SUGCT: variants seen among roughly 807,000 people sequenced by gnomAD.
SUGCT encodes the protein succinyl-CoA:glutarate-CoA transferase.
SUGCT carries 41 observed loss-of-function variants against 55.0 expected under a neutral mutation model. The observed-to-expected ratio is 0.74, with a 90% CI of 0.58 to 0.97. The LOEUF is 0.97. Among genes scored for constraint, SUGCT ranks in the 50% least tolerant of loss-of-function variants. The probability of loss-of-function intolerance (pLI) is 0.00; values close to 1 mark genes in which losing one functional copy is unlikely to be tolerated. For missense variants in SUGCT, 568 were observed against 547.8 expected, an observed-to-expected ratio of 1.04 and a Z score of -0.37; for synonymous variants, 187 against 200.4, an observed-to-expected ratio of 0.93 and a Z score of 0.56.
intron 12 of SUGCT, among the ~76,000 whole-genome samples, chr7:40,654,620 G>A (rs1800930525): frequency 6.6e-6 from 1 of 152,252 alleles, no homozygotes; most frequent in African/African-American, 2.4e-5. Flanking sequence ...ATTTAATCTC[G>A]TCCTGCACTA....
chr7:40,213,522 A>G (rs1266531819), intron 6 of SUGCT, among the ~76,000 whole-genome samples: 1 of 152,174 alleles, frequency 6.6e-6, no homozygotes, highest in East Asian at 1.9e-4. Flanking sequence ...TTAGGATGGT[A>G]TCTGCCAGGT....
chr7:40,958,074 C>G, the SUGCT span, among the ~76,000 whole-genome samples: 4 of 152,128 alleles, frequency 2.6e-5, no homozygotes, highest in Non-Finnish European at 5.9e-5. Context: ...CTCAATCTTT[C>G]TCTCTGGCTG....
chr7:40,804,969 G>T (rs145141750), intron 13 of SUGCT, among the ~76,000 whole-genome samples: 1 of 152,244 alleles, frequency 6.6e-6, no homozygotes, highest in East Asian at 1.9e-4. Context: ...CTGAACTCCA[G>T]GATCCTGCGT....
At chr7:40,146,418 G>A (rs1402202987) in intron 1 of SUGCT, among the ~76,000 whole-genome samples, 2 of 152,220 alleles carry the variant, frequency 1.3e-5, no homozygotes, top group Non-Finnish European at 2.9e-5. Context: ...GAAATATAGA[G>A]TGTGGAGTGG....
chr7:40,536,588 C>A (rs996291208), intron 12 of SUGCT, among the ~76,000 whole-genome samples: 1 of 152,168 alleles, frequency 6.6e-6, no homozygotes, highest in Admixed American at 6.5e-5. Context: ...AGCTGTGTGG[C>A]GTTGAGTCCC....
At chr7:40,615,033 G>A (rs1258222686) in intron 12 of SUGCT, among the ~76,000 whole-genome samples, 1 of 148,704 alleles carries the variant, frequency 6.7e-6, no homozygotes, top group Non-Finnish European at 1.5e-5. Flanking sequence ...TCCAGCCTGG[G>A]CAACAAACCA....
At chr7:40,838,547 C>T (rs1212056119) in intron 13 of SUGCT, among the ~76,000 whole-genome samples, 2 of 152,014 alleles carry the variant, frequency 1.3e-5, no homozygotes, top group South Asian at 2.1e-4. Context: ...TTTCAGTTTC[C>T]ACATTTTCCT....
chr7:40,526,787 G>T (rs1022142992), intron 12 of SUGCT, among the ~76,000 whole-genome samples: 17 of 152,136 alleles, frequency 1.1e-4, no homozygotes, highest in Non-Finnish European at 2.9e-5. Context: ...TACTTTCTTC[G>T]AATTTTTCCA....
chr7:40,238,751 A>T (rs558312360), intron 7 of SUGCT, among the ~76,000 whole-genome samples: 3 of 151,890 alleles, frequency 2.0e-5, no homozygotes, highest in Non-Finnish European at 4.4e-5. Context: ...ATTTCTGGAA[A>T]TACAAAGTTA....
chr7:40,294,767 G>A (rs1476498579), intron 8 of SUGCT, among the ~76,000 whole-genome samples: 7 of 151,834 alleles, frequency 4.6e-5, no homozygotes, highest in Non-Finnish European at 8.8e-5. Flanking sequence ...GGCTGGTCTC[G>A]GCCTCCTGAC....
At chr7:40,972,379 G>A in the SUGCT span, among the ~76,000 whole-genome samples, 1 of 152,214 alleles carries the variant, frequency 6.6e-6, no homozygotes, top group Admixed American at 6.5e-5. Context: ...TTTCATGGAT[G>A]CTGGTAGAAG....
intron 12 of SUGCT, among the ~76,000 whole-genome samples, chr7:40,670,169 C>CAA (rs34786531): frequency 0.021 from 1,220 of 57,704 alleles, 13 homozygotes; most frequent in African/African-American, 0.037. Flanking sequence ...GACTCCATCT[C>CAA]AAAAAAAAAA....
chr7:40,748,876 C>T (rs1787870665), intron 12 of SUGCT, among the ~76,000 whole-genome samples: 1 of 152,158 alleles, frequency 6.6e-6, no homozygotes, highest in African/African-American at 2.4e-5. Flanking sequence ...TCTGGATTTG[C>T]TGTCAGCTGC....
chr7:40,821,772 C>G (rs1792031884), intron 13 of SUGCT, among the ~76,000 whole-genome samples: 1 of 152,102 alleles, frequency 6.6e-6, no homozygotes, highest in Admixed American at 6.6e-5. Flanking sequence ...TCCTTCAGTT[C>G]TGCTCTGATT....
At chr7:40,857,312 TATTATTATTGCACAGGGTTGC>T (rs1794230727) in intron 13 of SUGCT, among the ~76,000 whole-genome samples, 1 of 152,150 alleles carries the variant, frequency 6.6e-6, no homozygotes, top group Non-Finnish European at 1.5e-5. Flanking sequence ...TCCCTGCTAT[TATTATTATTGCACAGGGTTGC>T]AAGAACAGAT....
At chr7:40,660,931 CT>C (rs906259828) in intron 12 of SUGCT, among the ~76,000 whole-genome samples, 2 of 152,136 alleles carry the variant, frequency 1.3e-5, no homozygotes, top group African/African-American at 4.8e-5. Context: ...ACCCCTGTCC[CT>C]TCATTGTACA....
chr7:40,933,033 G>C, the SUGCT span, among the ~76,000 whole-genome samples: 1 of 152,088 alleles, frequency 6.6e-6, no homozygotes, highest in Non-Finnish European at 1.5e-5. Context: ...AGCATCGATG[G>C]TCTTTACAAT....
At chr7:40,267,733 A>C (rs1007227564) in intron 7 of SUGCT, among the ~76,000 whole-genome samples, 3 of 152,122 alleles carry the variant, frequency 2.0e-5, no homozygotes, top group Non-Finnish European at 2.9e-5. Flanking sequence ...GGCACTTTAC[A>C]GTCACAGTGT....
At chr7:40,586,102 C>T (rs913558598) in intron 12 of SUGCT, among the ~76,000 whole-genome samples, 5 of 152,062 alleles carry the variant, frequency 3.3e-5, no homozygotes, top group African/African-American at 1.2e-4. Flanking sequence ...CTAAAAGATG[C>T]TGTATCATTG....
Sources: gnomAD v4.1 joint callset for allele counts (sites outside exome capture counted in the v4.1 genomes callset) on GRCh38, gnomAD v4.1.1 for gene constraint, MANE v1.5 for transcripts, NCBI Gene and HGNC (gene_info 2026-07-23, HGNC 2026-07-21) for gene names.